The following COL23A1 variants were observed in gnomAD, a reference collection of about 807,000 sequenced individuals.
COL23A1 encodes the protein collagen type XXIII alpha 1 chain.
A neutral mutation model predicts 99.3 loss-of-function variants in COL23A1; 97 were observed. The ratio of observed to expected loss-of-function variants is 0.98; its 90% CI spans 0.83 to 1.16. The LOEUF is 1.16. COL23A1 is among the 50% of genes most tolerant of loss of function. The probability of loss-of-function intolerance (pLI) is 0.00; values close to 1 mark genes in which losing one functional copy is unlikely to be tolerated. For missense variants in COL23A1, 762 were observed against 757.4 expected (o/e 1.01, Z -0.07); for synonymous variants, 320 against 308.2 (o/e 1.04, Z -0.40).
intron 2 of COL23A1, among the ~76,000 whole-genome samples, chr5:178,335,599 A>C (rs1243794431): frequency 1.3e-5 from 2 of 152,238 alleles, no homozygotes; most frequent in African/African-American, 4.8e-5. Flanking sequence ...TTGTGCTAGA[A>C]TATGCCAGTC....
intron 1 of COL23A1, among the ~76,000 whole-genome samples, chr5:178,576,325 G>A (rs1453014644): frequency 1.3e-5 from 2 of 152,046 alleles, no homozygotes; most frequent in Non-Finnish European, 2.9e-5. Context: ...TGCAACCTCC[G>A]CCTCCCGGGT....
At chr5:178,416,657 G>A (rs76051005) in intron 2 of COL23A1, among the ~76,000 whole-genome samples, 101 of 152,312 alleles carry the variant, frequency 6.6e-4, no homozygotes, top group African/African-American at 2.3e-3. Flanking sequence ...GTTTCAAGCC[G>A]GTAGTAGTAT....
rs138826968 is a variant in COL23A1 at position 178,366,973 on chromosome 5, C to T, written c.362-60054G>A. On this transcript the variant is annotated intron_variant, in intron 2 of 28. Transcript: ENST00000390654. The surrounding 1 kb of genome is among the most constrained non-coding windows in gnomAD (Gnocchi z 4.4). ...CTGCATTCCAGGTGTCTCCTACGGA[C>T]CTGGAATGGGGTGGTCATTTGGTGC... Among the ~76,000 whole-genome samples the T allele has an allele frequency of 3.9e-5, 6 of 152,296 alleles. No homozygotes were observed. Among genetic ancestry groups the T allele is most frequent in the Non-Finnish European group, 7.3e-5 (5 of 68,030 alleles).
At chr5:178,388,207 A>C (rs1763775741) in intron 2 of COL23A1, among the ~76,000 whole-genome samples, 1 of 152,192 alleles carries the variant, frequency 6.6e-6, no homozygotes, top group African/African-American at 2.4e-5. Flanking sequence ...TCCCTCCAGC[A>C]AGCAGGTCTG....
chr5:178,371,082 G>A (rs1762775747), intron 2 of COL23A1, among the ~76,000 whole-genome samples: 1 of 152,196 alleles, frequency 6.6e-6, no homozygotes, highest in East Asian at 1.9e-4. Context: ...TGTTCATGAG[G>A]TTGACGTCTC....
At chr5:178,440,410 T>C (rs1561974166) in intron 2 of COL23A1, among the ~76,000 whole-genome samples, 1 of 152,186 alleles carries the variant, frequency 6.6e-6, no homozygotes, top group Admixed American at 6.5e-5. Flanking sequence ...CAAATGCCGC[T>C]TCCTCTGGAA....
intron 2 of COL23A1, 107 bp downstream of exon 2, chr5:178,560,575 C>G: frequency 1.0e-6 from 1 of 979,372 alleles, no homozygotes; most frequent in Admixed American, 2.7e-5. Flanking sequence ...TGCACGAAGA[C>G]GACAGCCTGA....
chr5:178,508,982 T>G (rs1310077392), intron 2 of COL23A1, among the ~76,000 whole-genome samples: 2 of 152,218 alleles, frequency 1.3e-5, no homozygotes, highest in East Asian at 1.9e-4. Flanking sequence ...TGGAAGTTAC[T>G]TGAAGCCTTT....
At chr5:178,393,287 A>T (rs891891280) in intron 2 of COL23A1, among the ~76,000 whole-genome samples, 40 of 152,184 alleles carry the variant, frequency 2.6e-4, no homozygotes, top group African/African-American at 8.7e-4. Context: ...CACAAAGAAG[A>T]AGTCACGGAA....
intron 2 of COL23A1, among the ~76,000 whole-genome samples, chr5:178,549,544 G>T (rs775187773): frequency 2.6e-5 from 4 of 152,068 alleles, no homozygotes; most frequent in Non-Finnish European, 5.9e-5. Context: ...GGCCAGGCAC[G>T]ATGGCTCATG....
At chr5:178,266,369 G>C (rs1755900921) in intron 8 of COL23A1, among the ~76,000 whole-genome samples, 1 of 151,942 alleles carries the variant, frequency 6.6e-6, no homozygotes. Context: ...GTGTGTGCAT[G>C]TGTGTGTGTG....
chr5:178,484,173 C>T (rs149828614), intron 2 of COL23A1, among the ~76,000 whole-genome samples: 2,940 of 152,250 alleles, frequency 0.019, 39 homozygotes, highest in Non-Finnish European at 0.03. Flanking sequence ...ATCCGCCTAC[C>T]TCAGCCTCCC....
rs185559637 is a variant in COL23A1 at position 178,428,948 on chromosome 5, G to T, written c.362-122029C>A. Among the ~76,000 whole-genome samples the T allele has an allele frequency of 0.11, 16,426 of 151,994 alleles. 1,998 individuals are homozygous for T. Among genetic ancestry groups the T allele is most frequent in the East Asian group, 0.55 (2,771 of 5,064 alleles). Reference sequence around the variant, plus strand: ...GCACACAGACAGGCAGGCCCTCCGTGAGTGTCCTGAGACCCTACCACACCC... The same window carrying T: ...GCACACAGACAGGCAGGCCCTCCGTTAGTGTCCTGAGACCCTACCACACCC... On this transcript the variant is annotated intron_variant, in intron 2 of 28. Transcript: ENST00000390654. The surrounding 1 kb of genome is among the most constrained non-coding windows in gnomAD (Gnocchi z 5.0).
At chr5:178,318,656 CT>C (rs1422261309) in intron 2 of COL23A1, among the ~76,000 whole-genome samples, 1 of 152,206 alleles carries the variant, frequency 6.6e-6, no homozygotes, top group Non-Finnish European at 1.5e-5. Context: ...AATTCCAGCA[CT>C]TTGGGAGGCC....
rs2127545167 is a variant in COL23A1 at position 178,256,875 on chromosome 5, T to C, written c.828A>G (p.Pro276=). The stretch of plus-strand genomic sequence containing the variant: ...AGAGCTCTCATGTCACCTTCGGTCC[T>C]GGGGCACCGTCCACACCGTTCTCTC... The part of the protein sequence containing the change: ...PRGENGVDGA[P]GPKGEPGHRG... Residue 276 remains proline, a synonymous_variant, in exon 14 of 29, where the codon CCA becomes CCG. Coordinates refer to ENST00000390654, the MANE Select transcript of COL23A1 (RefSeq NM_173465.4). 1.2e-6 allele frequency: 2 copies of C among 1,613,134 alleles called. No homozygotes were observed. Among genetic ancestry groups the C allele is most frequent in the East Asian group, 4.5e-5 (2 of 44,816 alleles).
chr5:178,492,066 T>G (rs1389150830), intron 2 of COL23A1, among the ~76,000 whole-genome samples: 1 of 152,220 alleles, frequency 6.6e-6, no homozygotes, highest in Non-Finnish European at 1.5e-5. Context: ...TCAATTCAAT[T>G]AATACAAATC....
At chr5:178,358,262 A>ATGTGTGTATGTATG (rs1761893957) in intron 2 of COL23A1, among the ~76,000 whole-genome samples, 1 of 101,568 alleles carries the variant, frequency 9.8e-6, no homozygotes, top group Non-Finnish European at 2.1e-5. Flanking sequence ...GTGTATGTAT[A>ATGTGTGTATGTATG]TGTGTGTATA....
intron 2 of COL23A1, among the ~76,000 whole-genome samples, chr5:178,533,664 A>C (rs1760775401): frequency 6.6e-6 from 1 of 151,934 alleles, no homozygotes; most frequent in African/African-American, 2.4e-5. Flanking sequence ...CGCCCGGCTA[A>C]TTTTTGTATT....
At chr5:178,357,374 C>T (rs1308440011) in intron 2 of COL23A1, among the ~76,000 whole-genome samples, 1 of 152,252 alleles carries the variant, frequency 6.6e-6, no homozygotes, top group Non-Finnish European at 1.5e-5. Flanking sequence ...GTCAGCTTGG[C>T]TGCAGGGCTG....
Sources: gnomAD v4.1 joint callset for allele counts (sites outside exome capture counted in the v4.1 genomes callset) on GRCh38, gnomAD v4.1.1 for gene constraint, Gnocchi (gnomAD v3.1) non-coding constraint, MANE v1.5 for transcripts, NCBI Gene and HGNC (gene_info 2026-07-23, HGNC 2026-07-21) for gene names.